The following JARID2 variants were observed in gnomAD, a reference collection of about 807,000 sequenced individuals.
JARID2 encodes the protein protein Jumonji.
A neutral mutation model predicts 125.6 loss-of-function variants in JARID2; 21 were observed. The observed-to-expected ratio is 0.17, with a 90% CI of 0.12 to 0.24. JARID2 has a LOEUF of 0.24. JARID2 is among the 10% of genes least tolerant of loss of function. JARID2 has a pLI of 1.00. For synonymous variants in JARID2, 736 were observed against 661.6 expected, an observed-to-expected ratio of 1.11 and a Z score of -1.73; for missense variants, 1,303 against 1,639.6, an observed-to-expected ratio of 0.79 and a Z score of 3.55.
At chr6:15,460,257 T>G (rs1259958842) in intron 4 of JARID2, among the ~76,000 whole-genome samples, 1 of 152,168 alleles carries the variant, frequency 6.6e-6, no homozygotes, top group East Asian at 1.9e-4. Flanking sequence ...GATCAGATGT[T>G]ATTAATAAGA....
intron 3 of JARID2, among the ~76,000 whole-genome samples, chr6:15,446,789 G>A (rs1331136951): frequency 6.6e-6 from 1 of 152,188 alleles, no homozygotes; most frequent in African/African-American, 2.4e-5. Context: ...GGCCTGGCAG[G>A]TTTTAGTGAG....
intron 2 of JARID2, among the ~76,000 whole-genome samples, chr6:15,387,148 T>C (rs1255278837): frequency 1.3e-5 from 2 of 152,212 alleles, no homozygotes; most frequent in Non-Finnish European, 2.9e-5. Context: ...CTGTAGGTCA[T>C]GTCTTTTGCT....
At chr6:15,484,921 C>T (rs1769795481) in intron 5 of JARID2, among the ~76,000 whole-genome samples, 1 of 152,092 alleles carries the variant, frequency 6.6e-6, no homozygotes, top group South Asian at 2.1e-4. Context: ...AATTGGTGAA[C>T]AGTCAAGAAT....
chr6:15,491,165 GT>G (rs1260668149), intron 6 of JARID2, among the ~76,000 whole-genome samples: 2 of 152,234 alleles, frequency 1.3e-5, no homozygotes, highest in East Asian at 3.8e-4. Flanking sequence ...TTTTAAAAAA[GT>G]TAAAGGTTTT....
At chr6:15,444,730 G>A (rs377351687) in intron 3 of JARID2, among the ~76,000 whole-genome samples, 12 of 135,882 alleles carry the variant, frequency 8.8e-5, no homozygotes, top group African/African-American at 2.8e-4. Flanking sequence ...GACACGAACT[G>A]TCTGATTTTT....
At chr6:15,286,322 G>A (rs1163342808) in intron 1 of JARID2, among the ~76,000 whole-genome samples, 1 of 148,428 alleles carries the variant, frequency 6.7e-6, no homozygotes, top group African/African-American at 2.5e-5. Flanking sequence ...GTGTGATCTC[G>A]GCTCACTGCA....
chr6:15,430,305 C>T (rs978791925), intron 3 of JARID2, among the ~76,000 whole-genome samples: 1 of 152,128 alleles, frequency 6.6e-6, no homozygotes, highest in Non-Finnish European at 1.5e-5. Context: ...CATGTATGAC[C>T]ACTTTATAGA....
intron 1 of JARID2, among the ~76,000 whole-genome samples, chr6:15,270,887 G>A (rs1581349477): frequency 6.6e-6 from 1 of 152,002 alleles, no homozygotes; most frequent in African/African-American, 2.4e-5. Context: ...CTTGCAGTGA[G>A]CGGAGATCTT....
chr6:15,513,083 C>T (rs1771354291), intron 15 of JARID2, 38 bp downstream of exon 15: 1 of 1,612,650 alleles, frequency 6.2e-7, no homozygotes, highest in Middle Eastern at 1.7e-4. Context: ...AGAGCTGGAC[C>T]CGGCTGCCCT....
chr6:15,338,927 C>G (rs1185798370), intron 1 of JARID2, among the ~76,000 whole-genome samples: 1 of 152,188 alleles, frequency 6.6e-6, no homozygotes, highest in Non-Finnish European at 1.5e-5. Flanking sequence ...AATATTTGAA[C>G]TCTCCTGGAG....
rs1464724187 is a variant in JARID2 at position 15,521,748 on chromosome 6, T to C, written c.*1497T>C. The C allele has an allele frequency of 6.6e-6, 1 of 152,268 alleles. No homozygotes were observed. Among genetic ancestry groups the C allele is most frequent in the African/African-American group, 2.4e-5 (1 of 41,456 alleles). The allele number at this position is 152,268 out of a possible 1,614,324, so 9.4% of individuals were successfully genotyped here. ...CTATGATCCACTTTGTTGGTTGTTG[T>C]TGCAGAAGACTGAACTGTTTTGGAA... is the stretch of plus-strand genomic sequence containing the variant. On this transcript the variant is annotated 3_prime_UTR_variant, in exon 18 of 18. Transcript: ENST00000341776.
intron 3 of JARID2, among the ~76,000 whole-genome samples, chr6:15,414,849 G>C (rs1048068900): frequency 6.6e-6 from 1 of 151,872 alleles, no homozygotes; most frequent in African/African-American, 2.4e-5. Flanking sequence ...TCATTCTTGG[G>C]TGTTTCTCAC....
intron 3 of JARID2, among the ~76,000 whole-genome samples, chr6:15,419,849 T>C (rs1561850822): frequency 6.6e-6 from 1 of 152,252 alleles, no homozygotes; most frequent in Non-Finnish European, 1.5e-5. Flanking sequence ...TGGCAGTTTT[T>C]ATTTCCAGAG....
chr6:15,510,012 A>G (rs767912744), intron 12 of JARID2, among the ~76,000 whole-genome samples: 1 of 152,156 alleles, frequency 6.6e-6, no homozygotes, highest in East Asian at 1.9e-4. Context: ...TAAAAAAAAT[A>G]CTTCCTTCAC....
chr6:15,432,113 A>AC (rs1766991105), intron 3 of JARID2, among the ~76,000 whole-genome samples: 2 of 151,532 alleles, frequency 1.3e-5, no homozygotes, highest in East Asian at 1.9e-4. Context: ...AAAAAAAAAA[A>AC]CACAGATTTA....
intron 2 of JARID2, among the ~76,000 whole-genome samples, chr6:15,389,444 T>C (rs1172351404): frequency 1.3e-5 from 2 of 152,248 alleles, no homozygotes; most frequent in Admixed American, 1.3e-4. Context: ...ACCCATGCTT[T>C]TGAATGCTTA....
intron 1 of JARID2, among the ~76,000 whole-genome samples, chr6:15,295,744 A>T (rs946913342): frequency 1.3e-5 from 2 of 152,060 alleles, no homozygotes; most frequent in African/African-American, 4.8e-5. Context: ...GTTTACTGCA[A>T]CCTCTGCCTC....
intron 1 of JARID2, among the ~76,000 whole-genome samples, chr6:15,292,403 A>G (rs1211715918): frequency 1.3e-5 from 2 of 152,182 alleles, no homozygotes; most frequent in African/African-American, 4.8e-5. Flanking sequence ...CAGTGAATGT[A>G]CAACTGCAGT....
At chr6:15,493,089 C>A (rs1272657238) in intron 6 of JARID2, among the ~76,000 whole-genome samples, 3 of 151,872 alleles carry the variant, frequency 2.0e-5, no homozygotes, top group Non-Finnish European at 4.4e-5. Context: ...TGTAGCATTG[C>A]TAGCCATGAA....
Sources: gnomAD v4.1 joint callset for allele counts (sites outside exome capture counted in the v4.1 genomes callset) on GRCh38, gnomAD v4.1.1 for gene constraint, MANE v1.5 for transcripts, NCBI Gene and HGNC (gene_info 2026-07-23, HGNC 2026-07-21) for gene names.